Variants in HS6ST3 observed in about 807,000 individuals in gnomAD.
HS6ST3 encodes heparan-sulfate 6-O-sulfotransferase 3.
In HS6ST3, 12 loss-of-function variants were observed where a neutral mutation model predicts 36.7. That is an observed-to-expected ratio of 0.33 (90% CI 0.21 to 0.53). The LOEUF (loss-of-function observed/expected upper bound fraction) is 0.53, where lower values mean the gene tolerates loss of function less well. Among genes scored for constraint, HS6ST3 ranks in the 20% least tolerant of loss-of-function variants. The pLI, the probability that HS6ST3 is intolerant of heterozygous loss-of-function variation, is 0.95. For missense variants in HS6ST3, 584 were observed against 640.9 expected (o/e 0.91, Z 0.96); for synonymous variants, 240 against 257.5 (o/e 0.93, Z 0.65).
chr13:96,747,526 C>A (rs1260124723), intron 1 of HS6ST3, among the ~76,000 whole-genome samples: 2 of 151,934 alleles, frequency 1.3e-5, no homozygotes, highest in South Asian at 2.1e-4. Flanking sequence ...AAATAAGAAT[C>A]TTTTAAATAC....
chr13:96,188,340 C>A (rs908843843), intron 1 of HS6ST3, among the ~76,000 whole-genome samples: 1 of 152,098 alleles, frequency 6.6e-6, no homozygotes, highest in African/African-American at 2.4e-5. Context: ...TCAGGCTGGG[C>A]ATGGTGGCTT....
intron 1 of HS6ST3, among the ~76,000 whole-genome samples, chr13:96,826,879 T>G (rs1331191880): frequency 1.3e-5 from 2 of 152,218 alleles, no homozygotes; most frequent in East Asian, 3.9e-4. Context: ...CCTCATTCCC[T>G]AATCTTTCTC....
chr13:96,175,899 A>T (rs1055940146), intron 1 of HS6ST3, among the ~76,000 whole-genome samples: 14 of 151,830 alleles, frequency 9.2e-5, no homozygotes, highest in African/African-American at 3.1e-4. Flanking sequence ...CAGTGGTGCA[A>T]TCTCAGCTCA....
intron 1 of HS6ST3, among the ~76,000 whole-genome samples, chr13:96,405,893 T>C (rs988649268): frequency 6.6e-6 from 1 of 152,160 alleles, no homozygotes; most frequent in African/African-American, 2.4e-5. Context: ...TTTGAGCCAA[T>C]TTGCTCCCCT....
chr13:96,288,482 G>C (rs1189467900), intron 1 of HS6ST3, among the ~76,000 whole-genome samples: 1 of 152,040 alleles, frequency 6.6e-6, no homozygotes, highest in Non-Finnish European at 1.5e-5. Flanking sequence ...TACTGTCTGG[G>C]AATATAAAGA....
In HS6ST3 at chr13:96,187,949, T is replaced by C. The variant is rs531217188; in HGVS notation, c.707+96380T>C. Among the ~76,000 whole-genome samples the C allele has an allele frequency of 1.2e-4, 19 of 152,322 alleles. No homozygotes were observed. The South Asian group carries it at 3.3e-3, about 27-fold the overall frequency. On this transcript the variant is annotated intron_variant, in intron 1 of 1. Coordinates refer to ENST00000376705, the MANE Select transcript of HS6ST3 (RefSeq NM_153456.4). The stretch of plus-strand genomic sequence containing the variant: ...GTCTATGTTGGTCCTCTTCTGGCAC[T>C]TGTCAAATGTTAGCCATTCAAGTTC...
intron 1 of HS6ST3, among the ~76,000 whole-genome samples, chr13:96,581,376 T>C (rs1474480614): frequency 6.6e-6 from 1 of 152,036 alleles, no homozygotes; most frequent in Non-Finnish European, 1.5e-5. Context: ...TATGTCACCA[T>C]GCCTGGCTAA....
chr13:96,727,807 A>G (rs572933285), intron 1 of HS6ST3, among the ~76,000 whole-genome samples: 1 of 152,094 alleles, frequency 6.6e-6, no homozygotes, highest in Non-Finnish European at 1.5e-5. Context: ...GCTTTCTTTC[A>G]CCTCTCAGCC....
At chr13:96,551,869 G>A (rs1388384009) in intron 1 of HS6ST3, among the ~76,000 whole-genome samples, 1 of 152,126 alleles carries the variant, frequency 6.6e-6, no homozygotes, top group Non-Finnish European at 1.5e-5. Context: ...TATTGACCTT[G>A]TATGTTCAGC....
At chr13:96,318,535 A>AAAAACAAAACAAAACAAAAC (rs3084992) in intron 1 of HS6ST3, among the ~76,000 whole-genome samples, 4 of 150,422 alleles carry the variant, frequency 2.7e-5, no homozygotes, top group Non-Finnish European at 3.0e-5. Flanking sequence ...TCCTTCTCAA[A>AAAAACAAAACAAAACAAAAC]AAAACAAAAC....
At chr13:96,505,549 A>C (rs1168621526) in intron 1 of HS6ST3, among the ~76,000 whole-genome samples, 13 of 152,164 alleles carry the variant, frequency 8.5e-5, no homozygotes, top group Non-Finnish European at 1.5e-5. Context: ...TTACTGACAT[A>C]TGCAAAGTAC....
intron 1 of HS6ST3, among the ~76,000 whole-genome samples, chr13:96,685,275 G>C (rs1344254302): frequency 6.6e-6 from 1 of 152,078 alleles, no homozygotes; most frequent in Non-Finnish European, 1.5e-5. Flanking sequence ...TTTATGTGCA[G>C]ATAGCTTATT....
rs967329294 is a variant in HS6ST3, at chr13:96,835,440, C to T, written c.*2242C>T. ...GAGATTAGGCTCACAAAATATTTCT[C>T]CATTTCCAGTGATTTGTTCCTAAGG... On this transcript the variant is annotated 3_prime_UTR_variant, in exon 2 of 2. Coordinates refer to ENST00000376705, the MANE Select transcript of HS6ST3 (RefSeq NM_153456.4). 4 of 152,142 alleles carry T rather than the reference C, an allele frequency of 2.6e-5. No homozygotes were observed. Among genetic ancestry groups the T allele is most frequent in the Admixed American group, 2.0e-4 (3 of 15,266 alleles). 9.4% of individuals were successfully genotyped at this position (152,142 alleles called of 1,614,324 possible).
chr13:96,328,349 C>G (rs1366581837), intron 1 of HS6ST3, among the ~76,000 whole-genome samples: 8 of 150,886 alleles, frequency 5.3e-5, no homozygotes. Flanking sequence ...TTTTGAAATA[C>G]GTCCCATCAA....
At chr13:96,736,424 G>C (rs573010622) in intron 1 of HS6ST3, among the ~76,000 whole-genome samples, 2 of 152,144 alleles carry the variant, frequency 1.3e-5, no homozygotes, top group Non-Finnish European at 2.9e-5. Context: ...AGTTCTAACA[G>C]TGGAAGTATC....
intron 1 of HS6ST3, among the ~76,000 whole-genome samples, chr13:96,676,947 A>G (rs2056700702): frequency 6.6e-6 from 1 of 152,138 alleles, no homozygotes; most frequent in African/African-American, 2.4e-5. Flanking sequence ...AGTGAACTAA[A>G]AACAGGAGGA....
At chr13:96,734,758 C>T (rs1157586394) in intron 1 of HS6ST3, among the ~76,000 whole-genome samples, 2 of 152,198 alleles carry the variant, frequency 1.3e-5, no homozygotes, top group Non-Finnish European at 2.9e-5. Flanking sequence ...ATGCCTGAAG[C>T]AGCATTAACG....
chr13:96,542,313 T>C (rs933744306), intron 1 of HS6ST3, among the ~76,000 whole-genome samples: 4 of 152,210 alleles, frequency 2.6e-5, no homozygotes, highest in African/African-American at 4.8e-5. Context: ...GACATGCTCC[T>C]GGTGGGTAGG....
intron 1 of HS6ST3, among the ~76,000 whole-genome samples, chr13:96,702,873 C>T (rs1307530116): frequency 6.6e-6 from 1 of 152,108 alleles, no homozygotes; most frequent in Non-Finnish European, 1.5e-5. Context: ...ATAAATTAAG[C>T]CTCAATTTCC....
Sources: allele counts gnomAD v4.1 joint callset (sites outside exome capture counted in the v4.1 genomes callset), GRCh38; gene constraint gnomAD v4.1.1; transcripts MANE v1.5; gene names NCBI Gene and HGNC (gene_info 2026-07-23, HGNC 2026-07-21).